PRAMEF14: variants seen among roughly 807,000 people sequenced by gnomAD.
PRAMEF14 encodes PRAME family member 14.
PRAMEF14 carries 24 observed loss-of-function variants against 38.3 expected under a neutral mutation model. The ratio of observed to expected loss-of-function variants is 0.63; its 90% CI spans 0.45 to 0.88. The LOEUF is 0.88. Among genes scored for constraint, PRAMEF14 ranks in the 40% least tolerant of loss-of-function variants. PRAMEF14 has a pLI of 0.00. For missense variants in PRAMEF14, 477 were observed against 570.8 expected, an observed-to-expected ratio of 0.84 and a Z score of 1.67; for synonymous variants, 194 against 226.4, an observed-to-expected ratio of 0.86 and a Z score of 1.29.
rs1439359463 is a variant in PRAMEF14, at chr1:13,344,969, C to T, written c.287+59G>A. The T allele has an allele frequency of 2.0e-5, 27 of 1,359,246 alleles. 1 individual carries two copies. In the African/African-American group the frequency reaches 3.4e-4, roughly 17 times the overall value. 84.2% of individuals were successfully genotyped at this position (1,359,246 alleles called of 1,614,324 possible). On this transcript the variant is annotated intron_variant, in intron 2 of 3. Transcript: ENST00000334600. ...ACTTGGGCTACTTCTCTGCCTGACC[C>T]TGCTGTTCTTTCCCTGGACACCTGA...
chr1:13,343,187 T>C, intron 3 of PRAMEF14, 101 bp from the exon 4 acceptor site: 4 of 668,962 alleles, frequency 6.0e-6, no homozygotes. Flanking sequence ...ACAAGTTTGT[T>C]CCCACCATCT....
At chr1:13,343,143 C>G in intron 3 of PRAMEF14, 57 bp from the exon 4 acceptor site, 2 of 1,378,406 alleles carry the variant, frequency 1.5e-6, no homozygotes, top group Non-Finnish European at 2.0e-6. Flanking sequence ...GAAGGTAGTG[C>G]CTTCATCTAG....
intron 1 of PRAMEF14, among the ~76,000 whole-genome samples, 169 bp downstream of exon 1, chr1:13,346,888 T>A (rs1239276034): frequency 6.7e-6 from 1 of 150,108 alleles, no homozygotes; most frequent in Non-Finnish European, 1.5e-5. Flanking sequence ...AAATCACAAT[T>A]TGATGGATGA....
At chr1:13,343,876 C>T (rs1640365271) in intron 3 of PRAMEF14, 162 bp downstream of exon 3, 1 of 1,507,698 alleles carries the variant, frequency 6.6e-7, no homozygotes, top group Non-Finnish European at 8.9e-7. Flanking sequence ...GATAGCCACT[C>T]CAGGACATGG....
chr1:13,347,035 C>A (rs1212051805), intron 1 of PRAMEF14, 22 bp downstream of exon 1: 1 of 150,156 alleles, frequency 6.7e-6, no homozygotes, highest in Non-Finnish European at 1.5e-5. Context: ...ATGGGCATGA[C>A]CCTAAGAAGG....
Position 13,344,147 on chromosome 1 carries a change from C to T in PRAMEF14, c.757G>A (p.Gly253Arg). Residue 253 changes from glycine to arginine, a missense_variant, in exon 3 of 4, where the codon GGA becomes AGA. This residue lies in a region of PRAMEF14 where 234 missense variants were observed against 247.4 expected (regional missense o/e 0.95). Transcript: ENST00000334600. ...HHSMSDNELE[G>R]RLVTKFSSVF... ...GAGCTGAATTTGGTGACTAACCGTC[C>T]TTCGAGTTCATTATCTGACATGGAA... 1 of 1,606,154 alleles carries T rather than the reference C, an allele frequency of 6.2e-7. No individual in the cohort carries two copies. The highest frequency in any genetic ancestry group is 1.3e-5 in the African/African-American group (1 of 74,784).
chr1:13,346,477 A>T (rs1640406363), intron 1 of PRAMEF14, among the ~76,000 whole-genome samples: 1 of 150,520 alleles, frequency 6.6e-6, no homozygotes, highest in South Asian at 2.1e-4. Flanking sequence ...ATGGCACTGC[A>T]GCCTGGGCAA....
At chr1:13,343,119 G>A (rs1271456100) in intron 3 of PRAMEF14, 33 bp from the exon 4 acceptor site, 22 of 1,603,090 alleles carry the variant, frequency 1.4e-5, no homozygotes, top group Non-Finnish European at 1.9e-5. Flanking sequence ...TCTGGGCAAT[G>A]GTACCAGTTA....
In PRAMEF14 at chr1:13,342,936, G is replaced by A. The variant is rs1255395960; in HGVS notation, c.1017C>T (p.Pro339=). The A allele has an allele frequency of 1.2e-6, 2 of 1,608,154 alleles. No homozygotes were observed. Among genetic ancestry groups the A allele is most frequent in the East Asian group, 2.3e-5 (1 of 43,494 alleles). ...CAATTTTCTCTAGCAGAGCTCCGAG[G>A]GGTTCAAGACTGATGCGGAACAGCA... The part of the protein sequence containing the change: ...YVLLFRISLE[P]LGALLEKIAA... Residue 339 remains proline (P), a synonymous_variant, in exon 4 of 4, where the codon CCC becomes CCT. Coordinates refer to ENST00000334600, the MANE Select transcript of PRAMEF14 (RefSeq NM_001024661.2).
Position 13,342,685 on chromosome 1 carries a change from A to C in PRAMEF14, c.1268T>G (p.Val423Gly). ...PAPEESLNSL[V>G]RVDWEIFALL... ...GGCGAAGATCTCCCAATCGACACGA[A>C]CCAAGGAATTCAAACTCTCCTCAGG... The change falls in exon 4 of 4, where the codon GTT becomes GGT. Residue 423 changes from valine to glycine, a missense_variant. Physicochemically the swap from Val to Gly is moderately radical, Grantham distance 109. Coordinates refer to ENST00000334600, the MANE Select transcript of PRAMEF14 (RefSeq NM_001024661.2). 16 of 1,605,206 alleles carry C rather than the reference A, an allele frequency of 1.0e-5. No homozygotes were observed. The highest frequency in any genetic ancestry group is 1.4e-5 in the Non-Finnish European group (16 of 1,178,064).
Position 13,345,320 on chromosome 1 carries a change from T to G in PRAMEF14, c.-6A>C, listed in dbSNP as rs1640387664. On this transcript the variant is annotated 5_prime_UTR_variant, in exon 2 of 4. Transcript: ENST00000334600. ...GGTGGGGCCTGGATGCTCATCCTGA[T>G]AGATCTGCAAGAAAAATCTCTAGAA... 1 of 1,604,560 alleles carries G rather than the reference T, an allele frequency of 6.2e-7. No individual in the cohort carries two copies. Among genetic ancestry groups the G allele is most frequent in the Admixed American group, 1.7e-5 (1 of 59,834 alleles).
In PRAMEF14 at chr1:13,342,750, G is replaced by A. The variant is rs745950759; in HGVS notation, c.1203C>T (p.Thr401=). 3.1e-6 allele frequency: 5 copies of A among 1,603,818 alleles called. No homozygotes were observed. Among genetic ancestry groups the A allele is most frequent in the Non-Finnish European group, 4.2e-6 (5 of 1,176,918 alleles). The change falls in exon 4 of 4, where the codon ACC becomes ACT. Residue 401 remains threonine (T), a synonymous_variant. Coordinates refer to ENST00000334600, the MANE Select transcript of PRAMEF14 (RefSeq NM_001024661.2). ...CCAGGCTTAACTTGCTCAGCCCACT[G>A]GTGTGGCACAACAGGTCCTTCAGGG... ...MGALKDLLCH[T]SGLSKLSLET...
rs1218558237 is a variant in PRAMEF14, at chr1:13,344,565, C to A, written c.339G>T (p.Trp113Cys). The A allele has an allele frequency of 2.5e-6, 4 of 1,603,926 alleles. No homozygotes were observed. Among genetic ancestry groups the A allele is most frequent in the Non-Finnish European group, 3.4e-6 (4 of 1,176,980 alleles). ...LDLRDVDENF[W>C]ARWPGAWALS... is the part of the protein sequence containing the mutation. ...GGGCCCAGGCTCCAGGCCATCTGGC[C>A]CAGAAATTCTCATCAACATCCCGCA... The change falls in exon 3 of 4, where the codon TGG becomes TGT. Residue 113 changes from tryptophan to cysteine, a missense_variant. Physicochemically the swap from Trp to Cys is radical, Grantham distance 215 (BLOSUM62 -2). This residue lies in a region of PRAMEF14 where 234 missense variants were observed against 247.4 expected (regional missense o/e 0.95). Transcript: ENST00000334600.
At chr1:13,343,420 G>A in intron 3 of PRAMEF14, 1 of 549,080 alleles carries the variant, frequency 1.8e-6, no homozygotes, top group Non-Finnish European at 3.2e-6. Flanking sequence ...ACTCAGCAAG[G>A]TCTAGGGACA....
At chr1:13,345,947 T>TCTGTC (rs1416239804) in intron 1 of PRAMEF14, among the ~76,000 whole-genome samples, 1 of 151,158 alleles carries the variant, frequency 6.6e-6, no homozygotes, top group Non-Finnish European at 1.5e-5. Flanking sequence ...GGACTCCGAC[T>TCTGTC]CAAACAAAAA....
At position 13,342,323 on chromosome 1, in the gene PRAMEF14, C is replaced by T; in HGVS notation, c.*205G>A. Reference sequence around the variant, plus strand: ...CTTTAGGAAGCTGAGGCAGGAGGATCCCATAAGCCCAGCTGAGGCAGGAGG... The same window carrying T: ...CTTTAGGAAGCTGAGGCAGGAGGATTCCATAAGCCCAGCTGAGGCAGGAGG... On this transcript the variant is annotated 3_prime_UTR_variant, in exon 4 of 4. Transcript: ENST00000334600. 1.0e-6 allele frequency: 1 copy of T among 975,750 alleles called. No individual in the cohort carries two copies. Among genetic ancestry groups the T allele is most frequent in the Non-Finnish European group, 1.5e-6 (1 of 686,012 alleles). The allele number at this position is 975,750 out of a possible 1,614,324, so 60.4% of individuals were successfully genotyped here.
chr1:13,344,843 G>T, intron 2 of PRAMEF14, 185 bp downstream of exon 2: 1 of 793,730 alleles, frequency 1.3e-6, no homozygotes, highest in South Asian at 5.8e-5. Context: ...TGTTCCCACA[G>T]TGGACCCTGT....
Position 13,345,245 on chromosome 1 carries a change from A to T in PRAMEF14, c.70T>A (p.Ser24Thr). 1 of 1,587,698 alleles carries T rather than the reference A, an allele frequency of 6.3e-7. No homozygotes were observed. The highest frequency in any genetic ancestry group is 8.6e-7 in the Non-Finnish European group (1 of 1,163,960). ...GGCAGCTCCTCCATGGCAGAGATGGACAAGGCCTGGTCTCTCAGCAGGCTC... is the reference window on the plus strand; with the variant it reads ...GGCAGCTCCTCCATGGCAGAGATGGTCAAGGCCTGGTCTCTCAGCAGGCTC... ...GQSLLRDQAL[S>T]ISAMEELPRV... Residue 24 changes from serine (S) to threonine (T), a missense_variant, in exon 2 of 4, where the codon TCC becomes ACC. Ser to Thr is a moderately conservative substitution (Grantham distance 58, BLOSUM62 1). Coordinates refer to ENST00000334600, the MANE Select transcript of PRAMEF14 (RefSeq NM_001024661.2).
chr1:13,343,176 CACAA>C, intron 3 of PRAMEF14, 90 bp from the exon 4 acceptor site: 9 of 812,706 alleles, frequency 1.1e-5, no homozygotes, highest in Non-Finnish European at 1.7e-5. Flanking sequence ...GTCAAACAAA[CACAA>C]GTTTGTTCCC....
Sources: gnomAD v4.1 joint callset for allele counts (sites outside exome capture counted in the v4.1 genomes callset) on GRCh38, gnomAD v4.1.1 for gene constraint, gnomAD v4.1.1 regional missense constraint, MANE v1.5 for transcripts, NCBI Gene and HGNC (gene_info 2026-07-23, HGNC 2026-07-21) for gene names.